The following WDR27 variants were observed in gnomAD, a reference collection of about 807,000 sequenced individuals.
WDR27 encodes WD repeat-containing protein 27.
In WDR27, 100 loss-of-function variants were observed where a neutral mutation model predicts 114.4. The ratio of observed to expected loss-of-function variants is 0.87; its 90% CI spans 0.74 to 1.03. The LOEUF (loss-of-function observed/expected upper bound fraction) is 1.03. Ranked by LOEUF, WDR27 falls within the 50% of genes least tolerant of loss-of-function variation. The pLI, the probability that WDR27 is intolerant of heterozygous loss-of-function variation, is 0.00. For synonymous variants in WDR27, 449 were observed against 423.1 expected (o/e 1.06, Z -0.75); for missense variants, 1,129 against 1,092.9 (o/e 1.03, Z -0.47).
chr6:169,561,329 C>T (rs1799643360), intron 25 of WDR27, among the ~76,000 whole-genome samples: 1 of 152,106 alleles, frequency 6.6e-6, no homozygotes, highest in Non-Finnish European at 1.5e-5. Context: ...CACCTCTGAA[C>T]ACCATCATCT....
intron 25 of WDR27, among the ~76,000 whole-genome samples, chr6:169,467,737 G>A (rs1452110449): frequency 2.6e-5 from 4 of 152,224 alleles, no homozygotes; most frequent in Admixed American, 6.5e-5. Flanking sequence ...GACATGCCCT[G>A]AAGACATTTT....
intron 25 of WDR27, among the ~76,000 whole-genome samples, chr6:169,518,179 C>T (rs916599352): frequency 6.6e-6 from 1 of 152,194 alleles, no homozygotes; most frequent in African/African-American, 2.4e-5. Context: ...AGGGTGCAAG[C>T]TGCCAGTGAT....
chr6:169,555,961 C>G (rs1036931786), intron 25 of WDR27, among the ~76,000 whole-genome samples: 4 of 152,144 alleles, frequency 2.6e-5, no homozygotes, highest in Non-Finnish European at 4.4e-5. Flanking sequence ...TTCTCCCCAC[C>G]CAAAATCAGT....
chr6:169,431,175 A>G, the WDR27 span, among the ~76,000 whole-genome samples: 1 of 152,210 alleles, frequency 6.6e-6, no homozygotes, highest in South Asian at 2.1e-4. Context: ...TTTCAAGATA[A>G]TATATTTATC....
intron 10 of WDR27, among the ~76,000 whole-genome samples, 171 bp downstream of exon 10, chr6:169,660,492 C>G (rs76084015): frequency 0.038 from 5,778 of 152,270 alleles, 127 homozygotes; most frequent in Middle Eastern, 0.11. Context: ...GGCCCTCGTC[C>G]TTCGGATCCA....
At chr6:169,472,931 A>C (rs1786625749) in intron 25 of WDR27, among the ~76,000 whole-genome samples, 1 of 152,208 alleles carries the variant, frequency 6.6e-6, no homozygotes, top group African/African-American at 2.4e-5. Context: ...GATTTTTTTA[A>C]GTGAGGCTTA....
At chr6:169,589,162 C>A (rs1173605244) in intron 23 of WDR27, among the ~76,000 whole-genome samples, 1 of 152,204 alleles carries the variant, frequency 6.6e-6, no homozygotes, top group African/African-American at 2.4e-5. Flanking sequence ...GAACTCCTGT[C>A]TGCCTGCTGT....
intron 23 of WDR27, among the ~76,000 whole-genome samples, chr6:169,584,234 T>C (rs935471351): frequency 4.6e-5 from 7 of 152,214 alleles, no homozygotes; most frequent in African/African-American, 1.7e-4. Flanking sequence ...ATCCACACTG[T>C]GGCAAATGGC....
chr6:169,434,982 C>A, the WDR27 span, among the ~76,000 whole-genome samples: 7 of 152,212 alleles, frequency 4.6e-5, no homozygotes, highest in African/African-American at 1.7e-4. Context: ...AAAATGGTTT[C>A]ATGGGCTGGG....
chr6:169,443,635 T>A, the WDR27 span, among the ~76,000 whole-genome samples: 1 of 152,126 alleles, frequency 6.6e-6, no homozygotes, highest in East Asian at 1.9e-4. Flanking sequence ...GCAAGGGACC[T>A]GGATGACACA....
At chr6:169,532,756 A>G (rs560349902) in intron 25 of WDR27, among the ~76,000 whole-genome samples, 2 of 152,084 alleles carry the variant, frequency 1.3e-5, no homozygotes, top group African/African-American at 4.8e-5. Context: ...GGTTAACTGA[A>G]ATAACAATTG....
At chr6:169,633,189 T>A in intron 20 of WDR27, 121 bp from the exon 21 acceptor site, 1 of 1,092,898 alleles carries the variant, frequency 9.1e-7, no homozygotes, top group Non-Finnish European at 1.2e-6. Flanking sequence ...GATGACTAGT[T>A]AAGAATTTCT....
intron 25 of WDR27, among the ~76,000 whole-genome samples, chr6:169,550,261 A>C (rs933399735): frequency 1.3e-5 from 2 of 152,206 alleles, no homozygotes; most frequent in Non-Finnish European, 2.9e-5. Context: ...GTATGTTTCT[A>C]AAATAACACA....
intron 21 of WDR27, among the ~76,000 whole-genome samples, chr6:169,617,483 C>A (rs763275321): frequency 6.6e-6 from 1 of 152,230 alleles, no homozygotes; most frequent in Admixed American, 6.5e-5. Context: ...TCAAGTGACT[C>A]TCCTGCCTCA....
At chr6:169,599,359 T>C (rs953980528) in intron 23 of WDR27, among the ~76,000 whole-genome samples, 1 of 152,248 alleles carries the variant, frequency 6.6e-6, no homozygotes, top group Non-Finnish European at 1.5e-5. Flanking sequence ...TTTAGCTGAA[T>C]TGTTCACATT....
chr6:169,583,512 T>C (rs199667709), intron 23 of WDR27, among the ~76,000 whole-genome samples: 12,671 of 38,056 alleles, frequency 0.33, 1,356 homozygotes, highest in East Asian at 0.69. Context: ...TATGTATATA[T>C]ACACACACAC....
At chr6:169,455,738 T>C (rs1027309510), downstream of WDR27, among the ~76,000 whole-genome samples, 3 of 152,214 alleles carry the variant, frequency 2.0e-5, no homozygotes, top group African/African-American at 7.2e-5. Flanking sequence ...GGCTGCTGTC[T>C]TCCTAGAAAG....
intron 21 of WDR27, among the ~76,000 whole-genome samples, chr6:169,614,962 CAG>C (rs1811447794): frequency 6.6e-6 from 1 of 151,818 alleles, no homozygotes; most frequent in South Asian, 2.1e-4. Flanking sequence ...CTGAACAGAA[CAG>C]AAATACTATG....
intron 25 of WDR27, among the ~76,000 whole-genome samples, chr6:169,462,473 GA>G (rs1180102730): frequency 2.1e-5 from 3 of 143,506 alleles, no homozygotes; most frequent in Non-Finnish European, 4.4e-5. Flanking sequence ...GGAGGGAGGA[GA>G]GGGGGGAGAG....
Sources: gnomAD v4.1 joint callset for allele counts (sites outside exome capture counted in the v4.1 genomes callset) on GRCh38, gnomAD v4.1.1 for gene constraint, MANE v1.5 for transcripts, NCBI Gene and HGNC (gene_info 2026-07-23, HGNC 2026-07-21) for gene names.